Variants in PCDH9 observed in about 807,000 individuals in gnomAD.
PCDH9 encodes the protein protocadherin-9.
In PCDH9, 24 loss-of-function variants were observed where a neutral mutation model predicts 70.6. The observed-to-expected ratio is 0.34, with a 90% CI of 0.25 to 0.48. The LOEUF (loss-of-function observed/expected upper bound fraction) is 0.48. Among genes scored for constraint, PCDH9 ranks in the 20% least tolerant of loss-of-function variants. PCDH9 has a pLI of 0.99. For missense variants in PCDH9, 1,281 were observed against 1,503.6 expected (o/e 0.85, Z 2.45); for synonymous variants, 562 against 558.5 (o/e 1.01, Z -0.09).
At chr13:66,572,545 A>C (rs2076747343) in intron 4 of PCDH9, among the ~76,000 whole-genome samples, 1 of 152,060 alleles carries the variant, frequency 6.6e-6, no homozygotes, top group South Asian at 2.1e-4. Context: ...ACAGGATTAC[A>C]TTCCTTTTAT....
intron 2 of PCDH9, among the ~76,000 whole-genome samples, chr13:67,047,836 T>C (rs2085251711): frequency 6.6e-6 from 1 of 152,180 alleles, no homozygotes; most frequent in African/African-American, 2.4e-5. Context: ...GGAAGGTTGA[T>C]TTAAGGACCC....
At chr13:66,988,139 G>T (rs1175431789) in intron 2 of PCDH9, among the ~76,000 whole-genome samples, 2 of 151,950 alleles carry the variant, frequency 1.3e-5, no homozygotes, top group Non-Finnish European at 2.9e-5. Flanking sequence ...GGGCTCAAGA[G>T]ATCCTTGCAC....
At chr13:67,104,413 C>A (rs1412090951) in intron 2 of PCDH9, among the ~76,000 whole-genome samples, 1 of 152,192 alleles carries the variant, frequency 6.6e-6, no homozygotes, top group Admixed American at 6.5e-5. Flanking sequence ...CCCACCCAAG[C>A]CTTTGGAGTC....
intron 2 of PCDH9, among the ~76,000 whole-genome samples, chr13:67,122,626 T>C (rs2086898420): frequency 6.6e-6 from 1 of 151,684 alleles, no homozygotes; most frequent in African/African-American, 2.4e-5. Flanking sequence ...ACAAAAAAAT[T>C]AGCTGGGTGT....
chr13:66,685,359 G>A (rs1157173192), intron 3 of PCDH9, among the ~76,000 whole-genome samples: 2 of 152,350 alleles, frequency 1.3e-5, no homozygotes, highest in Admixed American at 6.5e-5. Flanking sequence ...ATGGTGTTGG[G>A]CCTGCAAGTG....
intron 2 of PCDH9, among the ~76,000 whole-genome samples, chr13:66,966,000 T>C (rs1053813347): frequency 1.1e-4 from 17 of 152,276 alleles, no homozygotes; most frequent in Admixed American, 9.2e-4. Flanking sequence ...CTAAATCTTT[T>C]TGAAATTGTT....
chr13:66,314,033 A>G (rs1955608757), intron 4 of PCDH9, among the ~76,000 whole-genome samples: 1 of 152,196 alleles, frequency 6.6e-6, no homozygotes, highest in Non-Finnish European at 1.5e-5. Context: ...TTAATATATC[A>G]CAGCTCAGTG....
intron 4 of PCDH9, among the ~76,000 whole-genome samples, chr13:66,520,117 T>C (rs942423992): frequency 6.6e-6 from 1 of 152,106 alleles, no homozygotes; most frequent in African/African-American, 2.4e-5. Context: ...GGGCTCTCTG[T>C]GGCTTAAATG....
At chr13:67,189,646 A>G (rs1043622828) in intron 2 of PCDH9, among the ~76,000 whole-genome samples, 1 of 152,078 alleles carries the variant, frequency 6.6e-6, no homozygotes, top group Admixed American at 6.6e-5. Context: ...AATGTACAAT[A>G]TAAAGTTAGA....
chr13:66,580,563 T>C (rs1173183999), intron 4 of PCDH9, among the ~76,000 whole-genome samples: 1 of 150,722 alleles, frequency 6.6e-6, no homozygotes, highest in Non-Finnish European at 1.5e-5. Context: ...CTTTCTGGGG[T>C]GATAAAACTG....
chr13:67,056,862 T>C (rs1042533088), intron 2 of PCDH9, among the ~76,000 whole-genome samples: 1 of 152,154 alleles, frequency 6.6e-6, no homozygotes, highest in Non-Finnish European at 1.5e-5. Context: ...ACAGGAAGGA[T>C]AGATTCAACT....
chr13:67,102,252 T>C (rs1019037546), intron 2 of PCDH9, among the ~76,000 whole-genome samples: 1 of 152,106 alleles, frequency 6.6e-6, no homozygotes, highest in Admixed American at 6.5e-5. Flanking sequence ...TGGACAAAAA[T>C]AATCATAGGC....
intron 2 of PCDH9, among the ~76,000 whole-genome samples, chr13:67,096,802 T>C (rs2086329358): frequency 6.6e-6 from 1 of 152,148 alleles, no homozygotes; most frequent in South Asian, 2.1e-4. Flanking sequence ...GAGGGCGAGA[T>C]ACATGGGAAT....
intron 4 of PCDH9, among the ~76,000 whole-genome samples, chr13:66,536,925 C>T (rs114301400): frequency 0.016 from 2,386 of 152,146 alleles, 54 homozygotes; most frequent in African/African-American, 0.053. Flanking sequence ...TTTCCTATGA[C>T]TCAGTCAACG....
intron 2 of PCDH9, among the ~76,000 whole-genome samples, chr13:67,052,143 G>T (rs2085335871): frequency 6.6e-6 from 1 of 152,040 alleles, no homozygotes; most frequent in Non-Finnish European, 1.5e-5. Context: ...TAATTATTTG[G>T]TGCTGCTAAA....
chr13:66,991,285 A>AT (rs911371752), intron 2 of PCDH9, among the ~76,000 whole-genome samples: 26 of 149,816 alleles, frequency 1.7e-4, no homozygotes, highest in East Asian at 3.9e-4. Context: ...GATGAGACAC[A>AT]TTTTTTTTTT....
Position 67,148,011 on chromosome 13 carries a change from C to T in PCDH9, c.3036+77394G>A, listed in dbSNP as rs184100980. Among the ~76,000 whole-genome samples the T allele has an allele frequency of 2.1e-3, 326 of 152,210 alleles. 3 individuals are homozygous for T. The highest frequency in any genetic ancestry group is 3.7e-4 in the Non-Finnish European group (25 of 68,002). The stretch of plus-strand genomic sequence containing the variant: ...AGACCCAGAAAGTCGGCTGCTATAA[C>T]GATTTCATGTTTTGCTGATCCCGGT... On this transcript the variant is annotated intron_variant, in intron 2 of 4. Coordinates refer to ENST00000377865, the MANE Select transcript of PCDH9 (RefSeq NM_203487.3).
At chr13:66,827,167 A>C (rs1367270678) in intron 3 of PCDH9, among the ~76,000 whole-genome samples, 2 of 152,070 alleles carry the variant, frequency 1.3e-5, no homozygotes, top group African/African-American at 4.8e-5. Context: ...AGGAAGCAAG[A>C]AAAGGCAAGT....
intron 4 of PCDH9, among the ~76,000 whole-genome samples, chr13:66,520,666 T>G (rs955260188): frequency 1.3e-5 from 2 of 152,232 alleles, no homozygotes; most frequent in Admixed American, 6.5e-5. Context: ...TTCTTAACTC[T>G]GGACTTTATT....
Sources: allele counts gnomAD v4.1 joint callset (sites outside exome capture counted in the v4.1 genomes callset), GRCh38; gene constraint gnomAD v4.1.1; transcripts MANE v1.5; gene names NCBI Gene and HGNC (gene_info 2026-07-23, HGNC 2026-07-21).